Variants in CCSER1 observed in about 807,000 individuals in gnomAD.
The protein encoded by CCSER1 is coiled-coil serine rich protein 1, also known as serine-rich coiled-coil domain-containing protein 1.
A neutral mutation model predicts 82.0 loss-of-function variants in CCSER1; 41 were observed. That is an observed-to-expected ratio of 0.50 (90% CI 0.39 to 0.65). The LOEUF (loss-of-function observed/expected upper bound fraction) is 0.65. CCSER1 is among the 30% of genes least tolerant of loss of function. CCSER1 has a pLI of 0.00. For synonymous variants in CCSER1, 414 were observed against 383.9 expected (o/e 1.08, Z -0.92); for missense variants, 1,119 against 1,064.2 (o/e 1.05, Z -0.72).
At chr4:90,562,278 G>A (rs962797126) in intron 5 of CCSER1, among the ~76,000 whole-genome samples, 1 of 151,380 alleles carries the variant, frequency 6.6e-6, no homozygotes. Flanking sequence ...TTCTGCAAAA[G>A]CCGTTCTTCA....
At chr4:90,683,298 T>C in intron 6 of CCSER1, among the ~76,000 whole-genome samples, 1 of 152,226 alleles carries the variant, frequency 6.6e-6, no homozygotes, top group South Asian at 2.1e-4. Flanking sequence ...ATCTAAGATA[T>C]GTAGAAAGAA....
intron 10 of CCSER1, among the ~76,000 whole-genome samples, chr4:91,210,053 C>A (rs1736681103): frequency 6.6e-6 from 1 of 151,512 alleles, no homozygotes; most frequent in Non-Finnish European, 1.5e-5. Flanking sequence ...CGAGATGAAT[C>A]TGGAATATCT....
At chr4:91,085,514 T>TA (rs1424132601) in intron 9 of CCSER1, among the ~76,000 whole-genome samples, 9 of 152,126 alleles carry the variant, frequency 5.9e-5, no homozygotes, top group Non-Finnish European at 1.3e-4. Context: ...CTGAATATTT[T>TA]ATAGATAATC....
At chr4:90,831,117 C>T (rs754038815) in intron 8 of CCSER1, among the ~76,000 whole-genome samples, 12 of 152,032 alleles carry the variant, frequency 7.9e-5, no homozygotes, top group Non-Finnish European at 1.5e-4. Context: ...GGAAGGTATG[C>T]GCATACTAAG....
chr4:91,241,693 C>T (rs1293515433), intron 10 of CCSER1, among the ~76,000 whole-genome samples: 1 of 151,974 alleles, frequency 6.6e-6, no homozygotes, highest in South Asian at 2.1e-4. Context: ...TTTTCATATC[C>T]ATTTAATATC....
intron 9 of CCSER1, among the ~76,000 whole-genome samples, chr4:91,044,159 G>GT: frequency 6.6e-6 from 1 of 152,100 alleles, no homozygotes; most frequent in Admixed American, 6.6e-5. Flanking sequence ...TCTATCTAAG[G>GT]TAAAATCCCA....
intron 10 of CCSER1, among the ~76,000 whole-genome samples, chr4:91,243,615 C>G (rs1739545178): frequency 6.6e-6 from 1 of 152,038 alleles, no homozygotes; most frequent in African/African-American, 2.4e-5. Context: ...AATAGGGAGG[C>G]CCCCATTCCA....
chr4:90,471,554 A>G (rs1478705182), intron 5 of CCSER1, among the ~76,000 whole-genome samples: 2 of 152,148 alleles, frequency 1.3e-5, no homozygotes, highest in African/African-American at 4.8e-5. Context: ...GCAAGAACAT[A>G]TAAATTTTGT....
intron 10 of CCSER1, among the ~76,000 whole-genome samples, chr4:91,272,417 A>G (rs564901786): frequency 2.0e-5 from 3 of 152,216 alleles, no homozygotes; most frequent in South Asian, 2.1e-4. Flanking sequence ...TTGTCTATTC[A>G]TGTCCTTAGC....
intron 1 of CCSER1, among the ~76,000 whole-genome samples, chr4:90,196,449 G>A (rs1021025983): frequency 2.0e-5 from 3 of 151,766 alleles, no homozygotes; most frequent in Admixed American, 6.6e-5. Context: ...TGTCATACCC[G>A]CTTCCCAGGG....
At chr4:90,700,354 T>TTAAGAA (rs1737823555) in intron 6 of CCSER1, among the ~76,000 whole-genome samples, 1 of 152,208 alleles carries the variant, frequency 6.6e-6, no homozygotes. Flanking sequence ...TTCCATGGTA[T>TTAAGAA]ATATGTGCCA....
intron 10 of CCSER1, among the ~76,000 whole-genome samples, chr4:91,594,380 C>T (rs1281934032): frequency 4.3e-4 from 58 of 136,468 alleles, no homozygotes; most frequent in South Asian, 1.3e-3. Flanking sequence ...CATATATATA[C>T]ACACATATAT....
intron 8 of CCSER1, among the ~76,000 whole-genome samples, chr4:90,917,422 A>AG (rs1727645285): frequency 6.6e-6 from 1 of 152,074 alleles, no homozygotes; most frequent in South Asian, 2.1e-4. Flanking sequence ...GGACAAAAAA[A>AG]CAAACACCGC....
intron 5 of CCSER1, among the ~76,000 whole-genome samples, chr4:90,519,635 G>GA (rs1469003128): frequency 6.6e-6 from 1 of 151,756 alleles, no homozygotes; most frequent in Non-Finnish European, 1.5e-5. Flanking sequence ...ATAACATTGA[G>GA]AAAAATAATG....
chr4:90,308,511 G>A lies in CCSER1; in HGVS notation c.227G>A (p.Ser76Asn), dbSNP rs1258690427. The A allele has an allele frequency of 6.2e-7, 1 of 1,613,922 alleles. No homozygotes were observed. Among genetic ancestry groups the A allele is most frequent in the Non-Finnish European group, 8.5e-7 (1 of 1,179,848 alleles). Residue 76 changes from serine to asparagine, a missense_variant, in exon 2 of 11, where the codon AGT (serine) becomes AAT (asparagine). Ser to Asn is a conservative substitution (Grantham distance 46). Transcript: ENST00000509176. ...PSISFHHKKG[S>N]EPKQEPTNQN... is the part of the protein sequence containing the mutation. ...ATTAGCTTCCACCATAAGAAGGGGA[G>A]TGAGCCTAAGCAAGAGCCTACCAAC...
intron 7 of CCSER1, among the ~76,000 whole-genome samples, chr4:90,775,915 G>A (rs1392227365): frequency 2.6e-5 from 4 of 151,578 alleles, no homozygotes; most frequent in African/African-American, 7.3e-5. Flanking sequence ...TGCCATGTGT[G>A]TGAAGGAGAG....
chr4:90,562,056 G>T (rs1231411378), intron 5 of CCSER1, among the ~76,000 whole-genome samples: 1 of 151,908 alleles, frequency 6.6e-6, no homozygotes, highest in East Asian at 1.9e-4. Context: ...CGGGCATAGT[G>T]GCGAGTGCCT....
In CCSER1 at chr4:91,002,880, T is replaced by C. The variant is rs1413240324; in HGVS notation, c.2172+79433T>C. Among the ~76,000 whole-genome samples, 6 of 152,322 alleles carry C rather than the reference T, an allele frequency of 3.9e-5. No homozygotes were observed. In the South Asian group the frequency reaches 8.3e-4, roughly 21 times the overall value. On this transcript the variant is annotated intron_variant, in intron 9 of 10. Coordinates refer to ENST00000509176, the MANE Select transcript of CCSER1 (RefSeq NM_001145065.2). ...TGGTTCCTTCTCATTTGGGTGGCTA[T>C]GTCAGAGGGAAGATCTGGGGCTGAA...
At position 91,417,231 on chromosome 4, in the gene CCSER1, G is replaced by A. The variant is rs115373033; in HGVS notation, c.2218-181341G>A. Among the ~76,000 whole-genome samples the A allele has an allele frequency of 4.7e-3, 707 of 150,388 alleles. 4 individuals carry two copies. The highest frequency in any genetic ancestry group is 0.015 in the African/African-American group (637 of 41,302). On this transcript the variant is annotated intron_variant, in intron 10 of 10. Coordinates refer to ENST00000509176, the MANE Select transcript of CCSER1 (RefSeq NM_001145065.2). The stretch of plus-strand genomic sequence containing the variant: ...AACAGATGCTGGCACAGCTGTGTAG[G>A]AAAAGATTGGTGGAAGTGTAAATTA...
Sources: allele counts gnomAD v4.1 joint callset (sites outside exome capture counted in the v4.1 genomes callset), GRCh38; gene constraint gnomAD v4.1.1; transcripts MANE v1.5; gene names NCBI Gene and HGNC (gene_info 2026-07-23, HGNC 2026-07-21).